Variants in SLC7A9 observed in about 807,000 individuals in gnomAD.
SLC7A9 encodes solute carrier family 7 member 9.
A neutral mutation model predicts 54.1 loss-of-function variants in SLC7A9; 38 were observed. The ratio of observed to expected loss-of-function variants is 0.70; its 90% confidence interval spans 0.54 to 0.92. SLC7A9 has a LOEUF of 0.92. Ranked by LOEUF, SLC7A9 falls within the 40% of genes least tolerant of loss-of-function variation. SLC7A9 has a pLI of 0.00. For missense variants in SLC7A9, 537 were observed against 636.1 expected (o/e 0.84, Z 1.68); for synonymous variants, 264 against 258.9 (o/e 1.02, Z -0.19).
At chr19:32,845,713 T>C (rs868052327) in intron 9 of SLC7A9, among the ~76,000 whole-genome samples, 1 of 152,064 alleles carries the variant, frequency 6.6e-6, no homozygotes, top group South Asian at 2.1e-4. Context: ...TTTTCAAACT[T>C]CTAAAGAATT....
At chr19:32,865,700 G>A (rs1390972756) in intron 2 of SLC7A9, among the ~76,000 whole-genome samples, 2 of 152,172 alleles carry the variant, frequency 1.3e-5, no homozygotes, top group Admixed American at 6.5e-5. Context: ...ACCAGGTGCA[G>A]TGGTTTATGC....
At chr19:32,867,823 T>TA (rs1288637998) in intron 2 of SLC7A9, among the ~76,000 whole-genome samples, 3 of 146,410 alleles carry the variant, frequency 2.0e-5, no homozygotes, top group Admixed American at 7.1e-5. Context: ...CACATGCCTG[T>TA]AGTCCCAGCT....
Position 32,833,286 on chromosome 19 carries a change from G to C in SLC7A9, c.1262C>G (p.Ser421Cys). 1 of 1,614,146 alleles carries C rather than the reference G, an allele frequency of 6.2e-7. No individual in the cohort carries two copies. The highest frequency in any genetic ancestry group is 8.5e-7 in the Non-Finnish European group (1 of 1,180,024). ...GATTGGAGCCAGAACCAAAAACACA[G>C]AGATGAGTGTCATCAAGACGGGAAT... ...VVIPVLMTLI[S>C]VFLVLAPIIS... The change falls in exon 12 of 13, where the codon TCT (serine) becomes TGT (cysteine). Residue 421 changes from serine to cysteine, a missense_variant. Coordinates refer to ENST00000023064, the MANE Select transcript of SLC7A9 (RefSeq NM_014270.5).
chr19:32,849,392 A>G (rs1968397450), intron 9 of SLC7A9, among the ~76,000 whole-genome samples: 1 of 151,942 alleles, frequency 6.6e-6, no homozygotes, highest in Non-Finnish European at 1.5e-5. Flanking sequence ...ATCAGAGAAT[A>G]CTACAAACAC....
intron 9 of SLC7A9, among the ~76,000 whole-genome samples, chr19:32,852,422 G>A (rs907051887): frequency 6.6e-6 from 1 of 151,856 alleles, no homozygotes; most frequent in Non-Finnish European, 1.5e-5. Context: ...CACAGGGAGG[G>A]GTCTGAGGCT....
Position 32,868,579 on chromosome 19 carries a change from C to G in SLC7A9, c.-45G>C. The G allele has an allele frequency of 6.5e-7, 1 of 1,535,988 alleles. No homozygotes were observed. The highest frequency in any genetic ancestry group is 9.0e-7 in the Non-Finnish European group (1 of 1,109,176). ...AGGAGACTGCAAGGAGGGCGCACAG[C>G]TAAATCTTGGTTCAGCAGCAGCAGA... On this transcript the variant is annotated 5_prime_UTR_variant, in exon 2 of 13. Transcript: ENST00000023064.
intron 6 of SLC7A9, 138 bp from the exon 7 acceptor site, chr19:32,860,788 T>G: frequency 8.1e-7 from 1 of 1,241,728 alleles, no homozygotes; most frequent in Non-Finnish European, 1.1e-6. Flanking sequence ...CAGGTGAATT[T>G]TTTTCCAGGT....
At chr19:32,833,563 C>G (rs750533756) in intron 11 of SLC7A9, among the ~76,000 whole-genome samples, 2 of 151,946 alleles carry the variant, frequency 1.3e-5, no homozygotes, top group Non-Finnish European at 2.9e-5. Flanking sequence ...TTAGGGAGGC[C>G]GAGGCCGGTG....
intron 7 of SLC7A9, chr19:32,860,380 A>C: frequency 7.4e-7 from 1 of 1,352,814 alleles, no homozygotes; most frequent in Non-Finnish European, 9.7e-7. Context: ...AACATGGCAA[A>C]ATCTCATCTC....
intron 8 of SLC7A9, 126 bp downstream of exon 8, chr19:32,859,715 G>T: frequency 1.1e-6 from 1 of 886,074 alleles, no homozygotes. Flanking sequence ...TGCGTGCCCA[G>T]TCCATGTCCC....
At chr19:32,849,409 G>A (rs1477787886) in intron 9 of SLC7A9, among the ~76,000 whole-genome samples, 49 of 152,106 alleles carry the variant, frequency 3.2e-4, no homozygotes, top group Non-Finnish European at 6.3e-4. Flanking sequence ...ACACCTCTAT[G>A]CAAATAAACT....
chr19:32,846,879 A>G (rs1302979667), intron 9 of SLC7A9, among the ~76,000 whole-genome samples: 1 of 152,250 alleles, frequency 6.6e-6, no homozygotes, highest in Admixed American at 6.5e-5. Context: ...GCTGTTCTAC[A>G]GCCACTGCTG....
Position 32,862,457 on chromosome 19 carries a change from T to TCA in SLC7A9, c.604+2_604+3dup. ...CGTGCAGGGCCCACCCTCCCGTGGG[T>TCA]CACCTTGGGCCAGGAGCACCAGCCC... On this transcript the variant is annotated splice_donor_region_variant and intron_variant, in intron 5 of 12. Coordinates refer to ENST00000023064, the MANE Select transcript of SLC7A9 (RefSeq NM_014270.5). The TCA allele has an allele frequency of 1.2e-6, 2 of 1,612,454 alleles. No individual in the cohort carries two copies.
At chr19:32,868,682 G>C in intron 1 of SLC7A9, 37 bp from the exon 2 acceptor site, 1 of 716,612 alleles carries the variant, frequency 1.4e-6, no homozygotes, top group South Asian at 1.5e-5. Context: ...CTGCAGGTGG[G>C]GGCCGCTGCC....
intron 12 of SLC7A9, among the ~76,000 whole-genome samples, chr19:32,832,601 A>AAAG (rs1555780798): frequency 5.9e-4 from 85 of 144,588 alleles, no homozygotes; most frequent in African/African-American, 2.1e-3. Flanking sequence ...AAAAAAAAAA[A>AAAG]AAAGAAAGAA....
intron 2 of SLC7A9, among the ~76,000 whole-genome samples, chr19:32,866,301 G>C (rs999722956): frequency 1.3e-5 from 2 of 152,136 alleles, no homozygotes; most frequent in African/African-American, 4.8e-5. Flanking sequence ...CCTCATCTCA[G>C]CCCTGCCCAG....
At chr19:32,832,379 G>C (rs988480784) in intron 12 of SLC7A9, among the ~76,000 whole-genome samples, 1 of 151,952 alleles carries the variant, frequency 6.6e-6, no homozygotes, top group Admixed American at 6.6e-5. Context: ...CTAAGGTCAG[G>C]AGTTGGAGAC....
intron 11 of SLC7A9, among the ~76,000 whole-genome samples, chr19:32,835,302 T>C (rs1468872632): frequency 6.6e-6 from 1 of 152,178 alleles, no homozygotes; most frequent in East Asian, 1.9e-4. Context: ...GGTGTCAATG[T>C]TACAGTCTAA....
At chr19:32,865,655 TCAC>T (rs1348049348) in intron 2 of SLC7A9, among the ~76,000 whole-genome samples, 1 of 151,974 alleles carries the variant, frequency 6.6e-6, no homozygotes, top group Non-Finnish European at 1.5e-5. Context: ...CTGTCAAAAC[TCAC>T]CAAACTCAGC....
Sources: gnomAD v4.1 joint callset for allele counts (sites outside exome capture counted in the v4.1 genomes callset) on GRCh38, gnomAD v4.1.1 for gene constraint, MANE v1.5 for transcripts, NCBI Gene and HGNC (gene_info 2026-07-23, HGNC 2026-07-21) for gene names.